Variants in ZFHX3 observed in about 807,000 individuals in gnomAD.
ZFHX3 encodes the protein zinc finger homeobox protein 3.
A neutral mutation model predicts 279.1 loss-of-function variants in ZFHX3; 42 were observed. The ratio of observed to expected loss-of-function variants is 0.15; its 90% CI spans 0.12 to 0.19. The LOEUF (loss-of-function observed/expected upper bound fraction) is 0.19, where lower values mean the gene tolerates loss of function less well. Ranked by LOEUF, ZFHX3 falls within the 10% of genes least tolerant of loss-of-function variation. ZFHX3 has a pLI of 1.00. For synonymous variants in ZFHX3, 2,293 were observed against 1,957.8 expected, an observed-to-expected ratio of 1.17 and a Z score of -4.52; for missense variants, 4,981 against 4,754.0, an observed-to-expected ratio of 1.05 and a Z score of -1.40.
intron 5 of ZFHX3, among the ~76,000 whole-genome samples, chr16:73,224,778 A>G (rs2012540827): frequency 6.6e-6 from 1 of 152,240 alleles, no homozygotes; most frequent in Non-Finnish European, 1.5e-5. Context: ...AGGGTGTAAC[A>G]GTAACTGGCA....
chr16:73,112,569 C>T (rs983666256), intron 7 of ZFHX3, among the ~76,000 whole-genome samples: 5 of 151,640 alleles, frequency 3.3e-5, no homozygotes, highest in East Asian at 1.9e-4. Context: ...AAAAATTAGC[C>T]GGGCGTGGTG....
intron 7 of ZFHX3, among the ~76,000 whole-genome samples, chr16:73,128,348 T>C (rs1966609497): frequency 6.6e-6 from 1 of 152,202 alleles, no homozygotes; most frequent in Admixed American, 6.5e-5. Context: ...CGGCAAAAGC[T>C]CTGCATATAT....
intron 1 of ZFHX3, among the ~76,000 whole-genome samples, chr16:73,834,784 A>T (rs1234983394): frequency 1.3e-5 from 2 of 152,056 alleles, no homozygotes; most frequent in Admixed American, 1.3e-4. Flanking sequence ...CCAGCTACTC[A>T]TGTCACTGAG....
intron 3 of ZFHX3, among the ~76,000 whole-genome samples, chr16:72,930,010 G>C (rs1328995555): frequency 1.3e-5 from 2 of 152,196 alleles, no homozygotes; most frequent in East Asian, 3.9e-4. Flanking sequence ...TGGAGGTCAG[G>C]AGTTCAACAC....
intron 7 of ZFHX3, among the ~76,000 whole-genome samples, chr16:73,113,107 G>A (rs905466706): frequency 6.6e-6 from 1 of 151,838 alleles, no homozygotes; most frequent in African/African-American, 2.4e-5. Flanking sequence ...AAAGAAAGAG[G>A]GAATGAGAGG....
At chr16:73,880,322 G>T (rs988727677) in intron 1 of ZFHX3, among the ~76,000 whole-genome samples, 3 of 152,172 alleles carry the variant, frequency 2.0e-5, no homozygotes, top group East Asian at 3.9e-4. Flanking sequence ...AAATTAAGGG[G>T]CTTCACTATT....
chr16:73,353,802 G>A (rs1034739784), intron 3 of ZFHX3, among the ~76,000 whole-genome samples: 4 of 152,088 alleles, frequency 2.6e-5, no homozygotes, highest in African/African-American at 9.7e-5. Context: ...AACAGGAGGA[G>A]ATAGGAAAAA....
chr16:73,437,101 A>G (rs186021018), intron 3 of ZFHX3, among the ~76,000 whole-genome samples: 1 of 152,190 alleles, frequency 6.6e-6, no homozygotes, highest in Non-Finnish European at 1.5e-5. Context: ...TCTTACAAAT[A>G]GTAGAAACTT....
chr16:73,834,907 T>TCC (rs35341654), intron 1 of ZFHX3, among the ~76,000 whole-genome samples: 2 of 151,566 alleles, frequency 1.3e-5, no homozygotes, highest in Admixed American at 6.6e-5. Context: ...AAGAAGCGTC[T>TCC]CCCCCCGTGG....
At chr16:73,381,033 C>T (rs887758426) in intron 3 of ZFHX3, among the ~76,000 whole-genome samples, 3 of 152,132 alleles carry the variant, frequency 2.0e-5, no homozygotes, top group African/African-American at 7.2e-5. Context: ...TAGTAGTTAA[C>T]CACTATTTTA....
At chr16:73,707,342 T>C (rs1193067967) in intron 1 of ZFHX3, among the ~76,000 whole-genome samples, 3 of 152,082 alleles carry the variant, frequency 2.0e-5, no homozygotes, top group South Asian at 4.1e-4. Context: ...GTCTTAAACA[T>C]ATCAACATGG....
intron 2 of ZFHX3, chr16:73,609,331 G>A (rs911200307): frequency 2.0e-5 from 3 of 152,082 alleles, no homozygotes; most frequent in Admixed American, 6.5e-5. Context: ...CTCCCTGCTC[G>A]TGGAAAATAA....
intron 1 of ZFHX3, among the ~76,000 whole-genome samples, chr16:72,960,984 T>G (rs1961549256): frequency 6.6e-6 from 1 of 152,070 alleles, no homozygotes; most frequent in African/African-American, 2.4e-5. Context: ...TCCTGTCTCC[T>G]CCACCCATAC....
At chr16:73,164,046 G>A (rs775689553) in intron 5 of ZFHX3, among the ~76,000 whole-genome samples, 13 of 152,110 alleles carry the variant, frequency 8.5e-5, no homozygotes, top group Non-Finnish European at 1.6e-4. Context: ...CTGCTGAGCC[G>A]ATCCTGCAAC....
At chr16:73,394,886 G>T (rs2017095702) in intron 3 of ZFHX3, among the ~76,000 whole-genome samples, 1 of 152,106 alleles carries the variant, frequency 6.6e-6, no homozygotes, top group Admixed American at 6.5e-5. Context: ...AGGAAACCAA[G>T]GCCCAGAAGG....
chr16:73,463,904 GACTC>G (rs2018515726), intron 2 of ZFHX3, among the ~76,000 whole-genome samples: 1 of 152,200 alleles, frequency 6.6e-6, no homozygotes, highest in Admixed American at 6.5e-5. Flanking sequence ...TTCTTGTTCT[GACTC>G]CTTTTTTTGC....
At position 72,950,503 on chromosome 16, in the gene ZFHX3, T is replaced by G. The variant is rs776000695; in HGVS notation, c.3182A>C (p.Asn1061Thr). 7 of 1,614,000 alleles carry G rather than the reference T, an allele frequency of 4.3e-6. No individual in the cohort carries two copies. Among genetic ancestry groups the G allele is most frequent in the Middle Eastern group, 1.7e-4 (1 of 6,052 alleles). Reference sequence around the variant, plus strand: ...CTTCAGGCTGGCCTCGTGCCTGGAGTTGACCGTGTGCAGCCGCAGCTTCTC... The same window carrying G: ...CTTCAGGCTGGCCTCGTGCCTGGAGGTGACCGTGTGCAGCCGCAGCTTCTC... ...SLEKLRLHTV[N>T]SRHEASLKLY... is the part of the protein sequence containing the mutation. The change falls in exon 3 of 10, where the codon AAC (asparagine) becomes ACC (threonine). Residue 1061 changes from asparagine to threonine, a missense_variant. This residue lies in a region of ZFHX3 where 1,751 missense variants were observed against 1,770.0 expected (regional missense o/e 0.99). Coordinates refer to ENST00000268489, the MANE Select transcript of ZFHX3 (RefSeq NM_006885.4).
In ZFHX3 at chr16:72,795,245, C is replaced by T. The variant is rs182754861; in HGVS notation, c.7437G>A (p.Ser2479=). Residue 2479 remains serine, a synonymous_variant, in exon 9 of 10, where the codon TCG becomes TCA. Transcript: ENST00000268489. ...GCGCTTGTGGAGGAGGCTGTGGCAA[C>T]GAAGGCAGGGACACCAGCTGGGGGA... ...QKLPQLVSLP[S]LPQPPPQAPP... The T allele has an allele frequency of 2.0e-5, 32 of 1,610,392 alleles. No individual in the cohort carries two copies. The highest frequency in any genetic ancestry group is 3.3e-5 in the Admixed American group (2 of 59,810).
intron 5 of ZFHX3, among the ~76,000 whole-genome samples, chr16:73,169,836 C>A (rs1322202462): frequency 6.6e-6 from 1 of 152,096 alleles, no homozygotes; most frequent in African/African-American, 2.4e-5. Context: ...GGTCTTAGAT[C>A]AAAGCTGTTT....
Sources: allele counts gnomAD v4.1 joint callset (sites outside exome capture counted in the v4.1 genomes callset), GRCh38; gene constraint gnomAD v4.1.1; regional missense constraint gnomAD v4.1.1; transcripts MANE v1.5; gene names NCBI Gene and HGNC (gene_info 2026-07-23, HGNC 2026-07-21).